The following ETV6 variants were observed in gnomAD, a reference collection of about 807,000 sequenced individuals.
ETV6 encodes ETS variant transcription factor 6.
ETV6 carries 16 observed loss-of-function variants against 51.1 expected under a neutral mutation model. The ratio of observed to expected loss-of-function variants is 0.31; its 90% CI spans 0.21 to 0.48. The LOEUF (loss-of-function observed/expected upper bound fraction) is 0.48. ETV6 is among the 20% of genes least tolerant of loss of function. The probability of loss-of-function intolerance (pLI) is 0.99; values close to 1 mark genes in which losing one functional copy is unlikely to be tolerated. For missense variants in ETV6, 458 were observed against 594.8 expected (o/e 0.77, Z 2.39); for synonymous variants, 240 against 224.1 (o/e 1.07, Z -0.64).
chr12:11,707,875 A>G (rs1865101682), intron 1 of ETV6, among the ~76,000 whole-genome samples: 1 of 152,212 alleles, frequency 6.6e-6, no homozygotes, highest in Non-Finnish European at 1.5e-5. Context: ...GAGAAACTGA[A>G]CTAGAACATG....
chr12:11,656,102 G>T (rs1863994485), intron 1 of ETV6, among the ~76,000 whole-genome samples: 1 of 151,778 alleles, frequency 6.6e-6, no homozygotes, highest in Non-Finnish European at 1.5e-5. Context: ...GAATGCTACT[G>T]CATGCTGGTC....
At chr12:11,738,323 TTTTTTA>T (rs1370852442) in intron 1 of ETV6, among the ~76,000 whole-genome samples, 55 of 54,868 alleles carry the variant, frequency 1.0e-3, no homozygotes, top group Non-Finnish European at 2.5e-3. Flanking sequence ...TTTTTTTTTT[TTTTTTA>T]AATTTGAGAC....
intron 2 of ETV6, among the ~76,000 whole-genome samples, chr12:11,765,433 G>C (rs946924533): frequency 2.0e-5 from 3 of 151,400 alleles, no homozygotes; most frequent in Non-Finnish European, 4.4e-5. Flanking sequence ...TTGTGCTTTA[G>C]GTCTCTGTAT....
At chr12:11,762,329 C>T (rs1277028899) in intron 2 of ETV6, among the ~76,000 whole-genome samples, 1 of 152,214 alleles carries the variant, frequency 6.6e-6, no homozygotes, top group Non-Finnish European at 1.5e-5. Flanking sequence ...TGCTAACTAT[C>T]TACTTGACCC....
chr12:11,746,639 G>T (rs1334321278), intron 1 of ETV6, among the ~76,000 whole-genome samples: 1 of 152,078 alleles, frequency 6.6e-6, no homozygotes, highest in African/African-American at 2.4e-5. Flanking sequence ...ATGTATGATT[G>T]CATAATTTGT....
Position 11,653,012 on chromosome 12 carries a change from C to T in ETV6, c.33+2852C>T, listed in dbSNP as rs952987734. ...CTGAGCCTTATTGTTTCTCTACACG[C>T]GACTTGCAGAAAGCAGGAGTGCTCG... On this transcript the variant is annotated intron_variant, in intron 1 of 7. Transcript: ENST00000396373. Among the ~76,000 whole-genome samples the T allele has an allele frequency of 3.3e-5, 5 of 152,112 alleles. No homozygotes were observed. In the East Asian group the frequency reaches 9.6e-4, roughly 29 times the overall value.
At chr12:11,655,512 TC>T (rs1863984605) in intron 1 of ETV6, among the ~76,000 whole-genome samples, 1 of 152,156 alleles carries the variant, frequency 6.6e-6, no homozygotes, top group South Asian at 2.1e-4. Context: ...TTATTGATTT[TC>T]CAAACATACA....
intron 3 of ETV6, among the ~76,000 whole-genome samples, chr12:11,841,214 C>T (rs61921853): frequency 0.048 from 7,336 of 152,262 alleles, 258 homozygotes; most frequent in Middle Eastern, 0.088. Context: ...AACAAAGATA[C>T]GTGAAAATCT....
At chr12:11,716,108 C>T (rs2120904772) in intron 1 of ETV6, among the ~76,000 whole-genome samples, 1 of 152,134 alleles carries the variant, frequency 6.6e-6, no homozygotes. Context: ...CGCCTGTAAT[C>T]CCAACACTTT....
chr12:11,682,874 C>T (rs1334565524), intron 1 of ETV6, among the ~76,000 whole-genome samples: 1 of 152,152 alleles, frequency 6.6e-6, no homozygotes, highest in Non-Finnish European at 1.5e-5. Context: ...TGTCAAAGAT[C>T]AGATGGTTCT....
chr12:11,890,959 T>G lies in ETV6; in HGVS notation c.1272T>G (p.Asp424Glu), dbSNP rs749044114. ...RLLFRFMKTPDEIMSGRTDRL... is the reference protein window; with the variant it reads ...RLLFRFMKTPEEIMSGRTDRL... ...TCCAAAGGTTTATGAAAACCCCAGATGAAATCATGAGTGGCCGAACAGACC... is the reference window on the plus strand; with the variant it reads ...TCCAAAGGTTTATGAAAACCCCAGAGGAAATCATGAGTGGCCGAACAGACC... The change falls in exon 8 of 8, where the codon GAT (aspartate) becomes GAG (glutamate). Residue 424 changes from aspartate to glutamate, a missense_variant. Asp to Glu is a conservative substitution (Grantham distance 45). This residue lies in a region of ETV6 where 55 missense variants were observed against 151.2 expected (regional missense o/e 0.36). Coordinates refer to ENST00000396373, the MANE Select transcript of ETV6 (RefSeq NM_001987.5). 2 of 1,613,604 alleles carry G rather than the reference T, an allele frequency of 1.2e-6. No individual in the cohort carries two copies. The highest frequency in any genetic ancestry group is 1.7e-6 in the Non-Finnish European group (2 of 1,179,670).
intron 2 of ETV6, among the ~76,000 whole-genome samples, chr12:11,801,922 A>G (rs1945755266): frequency 6.6e-6 from 1 of 152,242 alleles, no homozygotes; most frequent in Admixed American, 6.5e-5. Flanking sequence ...TATGCCATCC[A>G]GCCCTCAACC....
At chr12:11,865,573 T>C (rs1946780041) in intron 4 of ETV6, among the ~76,000 whole-genome samples, 1 of 148,716 alleles carries the variant, frequency 6.7e-6, no homozygotes, top group African/African-American at 2.4e-5. Flanking sequence ...AATTAGTATA[T>C]TCGTATATAT....
intron 1 of ETV6, among the ~76,000 whole-genome samples, chr12:11,726,259 G>A (rs1865486203): frequency 6.6e-6 from 1 of 152,164 alleles, no homozygotes; most frequent in Non-Finnish European, 1.5e-5. Context: ...GGAGCTGAAG[G>A]AAAAGAGGGG....
In ETV6 at chr12:11,667,696, ATTTTTTTTTTTT is replaced by A. The variant is rs34458275; in HGVS notation, c.33+17549_33+17560del. Among the ~76,000 whole-genome samples, 16 of 72,994 alleles carry A rather than the reference ATTTTTTTTTTTT, an allele frequency of 2.2e-4. No individual in the cohort carries two copies. The East Asian group carries it at 6.4e-3, about 29-fold the overall frequency. 47.9% of individuals were successfully genotyped at this position (72,994 alleles called of 152,430 possible). A position where few individuals can be genotyped will look rare whatever the true frequency, so the allele number is the denominator to read the frequency against. On this transcript the variant is annotated intron_variant, in intron 1 of 7. Coordinates refer to ENST00000396373, the MANE Select transcript of ETV6 (RefSeq NM_001987.5). ...AGGTGTGTGCCACGATACCTGGCTA[ATTTTTTTTTTTT>A]TTTTTTTTTTTTGAGATGGAGTCTC...
chr12:11,881,233 C>G (rs1293981725), intron 5 of ETV6, among the ~76,000 whole-genome samples: 1 of 152,192 alleles, frequency 6.6e-6, no homozygotes, highest in Non-Finnish European at 1.5e-5. Flanking sequence ...TATAAGCCAC[C>G]ACACCCAACC....
chr12:11,672,946 G>C (rs1864347642), intron 1 of ETV6, among the ~76,000 whole-genome samples: 1 of 152,232 alleles, frequency 6.6e-6, no homozygotes, highest in African/African-American at 2.4e-5. Flanking sequence ...CCATCCTACT[G>C]CTCTGGGAAG....
intron 3 of ETV6, among the ~76,000 whole-genome samples, chr12:11,845,335 T>G (rs1946446191): frequency 6.6e-6 from 1 of 152,252 alleles, no homozygotes; most frequent in Non-Finnish European, 1.5e-5. Context: ...GATGTGATGG[T>G]AACGTAGGGA....
intron 1 of ETV6, among the ~76,000 whole-genome samples, chr12:11,662,460 G>A (rs1216202289): frequency 2.0e-5 from 3 of 152,166 alleles, no homozygotes; most frequent in Non-Finnish European, 2.9e-5. Flanking sequence ...GAGCTTCTCC[G>A]AACTAGGGGG....
Sources: allele counts gnomAD v4.1 joint callset (sites outside exome capture counted in the v4.1 genomes callset), GRCh38; gene constraint gnomAD v4.1.1; regional missense constraint gnomAD v4.1.1; transcripts MANE v1.5; gene names NCBI Gene and HGNC (gene_info 2026-07-23, HGNC 2026-07-21).